Variants in RAB3GAP1 observed in about 807,000 individuals in gnomAD.
RAB3GAP1 encodes the protein RAB3 GTPase activating protein catalytic subunit 1, also known as rab3 GTPase-activating protein catalytic subunit.
A neutral mutation model predicts 130.7 loss-of-function variants in RAB3GAP1; 86 were observed. The ratio of observed to expected loss-of-function variants is 0.66; its 90% CI spans 0.55 to 0.79. The LOEUF is 0.79. RAB3GAP1 is among the 30% of genes least tolerant of loss of function. The probability of loss-of-function intolerance (pLI) is 0.00; values close to 1 mark genes in which losing one functional copy is unlikely to be tolerated. For synonymous variants in RAB3GAP1, 367 were observed against 401.7 expected (o/e 0.91, Z 1.03); for missense variants, 1,029 against 1,169.4 (o/e 0.88, Z 1.75).
chr2:135,175,780 G>A (rs908078115), intron 24 of RAB3GAP1, among the ~76,000 whole-genome samples: 19 of 152,168 alleles, frequency 1.2e-4, no homozygotes, highest in African/African-American at 4.3e-4. Context: ...TAGGAGATAG[G>A]TTTTCAAATT....
intron 5 of RAB3GAP1, among the ~76,000 whole-genome samples, chr2:135,108,356 A>G (rs1416577952): frequency 6.6e-6 from 1 of 152,158 alleles, no homozygotes; most frequent in Non-Finnish European, 1.5e-5. Flanking sequence ...TAGGAAATAT[A>G]ATGATTTATT....
intron 22 of RAB3GAP1, among the ~76,000 whole-genome samples, chr2:135,163,906 T>G (rs555760764): frequency 6.6e-6 from 1 of 152,334 alleles, no homozygotes; most frequent in South Asian, 2.1e-4. Context: ...TTAGGTGAAG[T>G]TTTCTCCCAC....
intron 3 of RAB3GAP1, among the ~76,000 whole-genome samples, chr2:135,061,976 G>A (rs901515887): frequency 8.6e-5 from 13 of 151,916 alleles, no homozygotes; most frequent in African/African-American, 2.7e-4. Context: ...TCTGGAGTCT[G>A]TATTCTGTTT....
intron 3 of RAB3GAP1, among the ~76,000 whole-genome samples, chr2:135,071,775 A>G (rs1208682911): frequency 6.6e-6 from 1 of 152,176 alleles, no homozygotes; most frequent in African/African-American, 2.4e-5. Context: ...CATTGAGGGT[A>G]GAGGTCTCAT....
intron 3 of RAB3GAP1, among the ~76,000 whole-genome samples, chr2:135,083,594 T>C (rs1271835160): frequency 1.3e-5 from 2 of 151,824 alleles, no homozygotes; most frequent in African/African-American, 4.8e-5. Context: ...TCCAAGTAGG[T>C]AGAACTATAG....
At chr2:135,163,155 C>G in intron 22 of RAB3GAP1, 54 bp downstream of exon 22, 2 of 1,226,068 alleles carry the variant, frequency 1.6e-6, no homozygotes, top group Non-Finnish European at 2.4e-6. Context: ...AGCCACCACT[C>G]TCTTAAGAAA....
intron 19 of RAB3GAP1, among the ~76,000 whole-genome samples, chr2:135,155,700 A>G (rs1189254919): frequency 1.3e-5 from 2 of 152,202 alleles, no homozygotes; most frequent in Non-Finnish European, 2.9e-5. Flanking sequence ...ATATGAACCT[A>G]TAGGCTATAC....
chr2:135,074,081 C>T (rs1053598623), intron 3 of RAB3GAP1, among the ~76,000 whole-genome samples: 1 of 152,068 alleles, frequency 6.6e-6, no homozygotes, highest in Admixed American at 6.5e-5. Context: ...AGTCTAGGTA[C>T]GAATTGTGCT....
intron 9 of RAB3GAP1, among the ~76,000 whole-genome samples, chr2:135,125,371 A>C (rs1319386715): frequency 6.6e-6 from 1 of 152,202 alleles, no homozygotes; most frequent in Non-Finnish European, 1.5e-5. Context: ...ATAGTACCAC[A>C]CACTAAATAT....
chr2:135,062,078 G>A (rs1396572796), intron 3 of RAB3GAP1, among the ~76,000 whole-genome samples: 3 of 151,894 alleles, frequency 2.0e-5, no homozygotes, highest in Non-Finnish European at 4.4e-5. Flanking sequence ...CCAGGCTGGA[G>A]TGCTTGATCT....
intron 17 of RAB3GAP1, chr2:135,137,129 AGTTAAACAGCAT>A: frequency 3.1e-6 from 1 of 322,954 alleles, no homozygotes; most frequent in South Asian, 2.9e-5. Flanking sequence ...TGGAAGAGAT[AGTTAAACAGCAT>A]GGGATATGAA....
intron 3 of RAB3GAP1, among the ~76,000 whole-genome samples, chr2:135,085,475 A>C (rs1689947287): frequency 6.6e-6 from 1 of 152,162 alleles, no homozygotes; most frequent in Non-Finnish European, 1.5e-5. Context: ...AGTCCAGGAA[A>C]CATATTGTGA....
At chr2:135,061,263 C>T (rs1346567674) in intron 3 of RAB3GAP1, among the ~76,000 whole-genome samples, 1 of 152,030 alleles carries the variant, frequency 6.6e-6, no homozygotes. Flanking sequence ...TGTATGAGGC[C>T]TTTTGTGGGC....
chr2:135,066,803 A>T (rs981922567), intron 3 of RAB3GAP1, among the ~76,000 whole-genome samples: 4 of 152,226 alleles, frequency 2.6e-5, no homozygotes, highest in Non-Finnish European at 5.9e-5. Context: ...CTATTTAGCT[A>T]GCAAAAATTT....
intron 13 of RAB3GAP1, among the ~76,000 whole-genome samples, chr2:135,131,304 C>A (rs766727142): frequency 1.3e-5 from 2 of 152,162 alleles, no homozygotes; most frequent in Non-Finnish European, 2.9e-5. Flanking sequence ...CGGCTCACTG[C>A]AACCTCCACC....
chr2:135,116,672 G>C (rs751132923), intron 7 of RAB3GAP1, among the ~76,000 whole-genome samples: 1 of 152,136 alleles, frequency 6.6e-6, no homozygotes, highest in Non-Finnish European at 1.5e-5. Flanking sequence ...TAATGTCCTT[G>C]TTCTTAGGAA....
chr2:135,147,451 A>C (rs1692032740), intron 17 of RAB3GAP1, among the ~76,000 whole-genome samples: 1 of 152,172 alleles, frequency 6.6e-6, no homozygotes, highest in Admixed American at 6.5e-5. Context: ...TTAATAAATA[A>C]ATAAATACTG....
rs950941320 is a variant in RAB3GAP1, at chr2:135,167,846, C to T, written c.2710-699C>T. ...CCTACCTTGCTGATGTTTAGCGCAA[C>T]ATGATTTCATGTTTCCATTGCCAAA... On this transcript the variant is annotated intron_variant, in intron 23 of 23. Coordinates refer to ENST00000264158, the MANE Select transcript of RAB3GAP1 (RefSeq NM_012233.3). 62 of 648,774 alleles carry T rather than the reference C, an allele frequency of 9.6e-5. No individual in the cohort carries two copies. In the African/African-American group the frequency reaches 1.1e-3, roughly 11 times the overall value. The allele number at this position is 648,774 out of a possible 1,614,324, so 40.2% of individuals were successfully genotyped here.
chr2:135,169,266 T>C lies in RAB3GAP1; in HGVS notation c.*485T>C. On this transcript the variant is annotated 3_prime_UTR_variant, in exon 24 of 24. Coordinates refer to ENST00000264158, the MANE Select transcript of RAB3GAP1 (RefSeq NM_012233.3). ...CCCAGAATCTGTGTTTTTAAAATAC[T>C]ACATGACATTCTGTCTATTCAATCA... 1 of 232,884 alleles carries C rather than the reference T, an allele frequency of 4.3e-6. No individual in the cohort carries two copies. Among genetic ancestry groups the C allele is most frequent in the Non-Finnish European group, 8.6e-6 (1 of 116,284 alleles). The allele number at this position is 232,884 out of a possible 1,614,324, so 14.4% of individuals were successfully genotyped here.
Sources: gnomAD v4.1 joint callset for allele counts (sites outside exome capture counted in the v4.1 genomes callset) on GRCh38, gnomAD v4.1.1 for gene constraint, MANE v1.5 for transcripts, NCBI Gene and HGNC (gene_info 2026-07-23, HGNC 2026-07-21) for gene names.